The following KANSL1 variants were observed in gnomAD, a reference collection of about 807,000 sequenced individuals.
The protein encoded by KANSL1 is KAT8 regulatory NSL complex subunit 1.
KANSL1 carries 22 observed loss-of-function variants against 103.6 expected under a neutral mutation model. The ratio of observed to expected loss-of-function variants is 0.21; its 90% CI spans 0.15 to 0.30. The LOEUF (loss-of-function observed/expected upper bound fraction) is 0.30, where lower values mean the gene tolerates loss of function less well. Among genes scored for constraint, KANSL1 ranks in the 10% least tolerant of loss-of-function variants. KANSL1 has a pLI of 1.00. For synonymous variants in KANSL1, 600 were observed against 527.6 expected, an observed-to-expected ratio of 1.14 and a Z score of -1.88; for missense variants, 1,337 against 1,399.8, an observed-to-expected ratio of 0.96 and a Z score of 0.72.
chr17:46,062,355 C>CA (rs1555743656), intron 6 of KANSL1, among the ~76,000 whole-genome samples: 1 of 95,470 alleles, frequency 1.0e-5, no homozygotes. Context: ...ATAACAACAG[C>CA]TTTTTTTTTT....
At chr17:46,100,444 CAA>C (rs369274727) in intron 2 of KANSL1, among the ~76,000 whole-genome samples, 16 of 88,250 alleles carry the variant, frequency 1.8e-4, no homozygotes, top group African/African-American at 2.5e-4. Flanking sequence ...TCCCTCTCCC[CAA>C]AAAAAAAAAA....
intron 1 of KANSL1, among the ~76,000 whole-genome samples, chr17:46,174,248 G>C (rs1332399338): frequency 4.6e-5 from 7 of 152,198 alleles, no homozygotes; most frequent in African/African-American, 2.4e-5. Context: ...GCAGTGGTAT[G>C]ATCTCAGCTC....
rs181575798 is a variant in KANSL1 at position 46,141,109 on chromosome 17, A to G, written c.1289+29746T>C. On this transcript the variant is annotated intron_variant, in intron 2 of 14. Coordinates refer to ENST00000432791, the MANE Select transcript of KANSL1 (RefSeq NM_015443.4). ...AAGACAATGTACTCAACAATTAACT[A>G]AAGTACTTGTATTTCTCTTTACAAA... Among the ~76,000 whole-genome samples, 468 of 152,342 alleles carry G rather than the reference A, an allele frequency of 3.1e-3. 1 individual carries two copies. The highest frequency in any genetic ancestry group is 0.014 in the Middle Eastern group (4 of 294).
intron 6 of KANSL1, among the ~76,000 whole-genome samples, chr17:46,052,032 GA>G (rs112384186): frequency 4.0e-5 from 6 of 149,620 alleles, no homozygotes; most frequent in African/African-American, 9.8e-5. Flanking sequence ...ATTGTTTTGG[GA>G]AAAAAAAAAT....
At chr17:46,101,799 T>C (rs907460252) in intron 2 of KANSL1, among the ~76,000 whole-genome samples, 27 of 143,194 alleles carry the variant, frequency 1.9e-4, no homozygotes, top group African/African-American at 6.5e-4. Flanking sequence ...ATTTAGTCAT[T>C]ATAACCATGG....
chr17:46,218,514 G>A (rs1171846110), intron 1 of KANSL1, among the ~76,000 whole-genome samples: 1 of 152,236 alleles, frequency 6.6e-6, no homozygotes, highest in Non-Finnish European at 1.5e-5. Context: ...CTGGCGTGGT[G>A]GCTCACGCCT....
rs1442345394 is a variant in KANSL1, at chr17:46,038,223, G to A, written c.2541+315C>T. The A allele has an allele frequency of 5.0e-5, 17 of 337,094 alleles. 1 individual carries two copies. The highest frequency in any genetic ancestry group is 9.2e-5 in the Non-Finnish European group (17 of 184,548). The allele number at this position is 337,094 out of a possible 1,614,324, so 20.9% of individuals were successfully genotyped here. A position where few individuals can be genotyped will look rare whatever the true frequency, so the allele number is the denominator to read the frequency against. On this transcript the variant is annotated intron_variant, in intron 10 of 14. Coordinates refer to ENST00000432791, the MANE Select transcript of KANSL1 (RefSeq NM_015443.4). ...TAGGGCCACGGAACTGTTGAGTCCT[G>A]TGTGAAACTTAGTCCAACAGATCTT...
At chr17:46,173,966 C>T (rs1197087412) in intron 1 of KANSL1, among the ~76,000 whole-genome samples, 3 of 152,244 alleles carry the variant, frequency 2.0e-5, no homozygotes, top group African/African-American at 7.2e-5. Context: ...ACGATTTTTA[C>T]TTGGCAGAAC....
At position 46,067,578 on chromosome 17, in the gene KANSL1, T is replaced by C. The variant is rs1288178650; in HGVS notation, c.1623A>G (p.Ala541=). The C allele has an allele frequency of 6.2e-7, 1 of 1,603,978 alleles. No individual in the cohort carries two copies. The highest frequency in any genetic ancestry group is 1.1e-5 in the South Asian group (1 of 90,884). ...SESLSTKSCG[A]LRPVNGVINT... ...TAATAACTCCATTGACAGGTCTGAG[T>C]GCTCCACATGATTTGGTAGACAGTG... Residue 541 remains alanine, a synonymous_variant, in exon 5 of 15, where the codon GCA becomes GCG. Coordinates refer to ENST00000432791, the MANE Select transcript of KANSL1 (RefSeq NM_015443.4).
intron 1 of KANSL1, among the ~76,000 whole-genome samples, chr17:46,178,069 G>A (rs1441537739): frequency 2.0e-5 from 3 of 152,118 alleles, no homozygotes; most frequent in Non-Finnish European, 2.9e-5. Context: ...GAGCCACCAC[G>A]CCCGGCCCAT....
chr17:46,129,813 T>G (rs983597915), intron 2 of KANSL1, among the ~76,000 whole-genome samples: 1 of 152,092 alleles, frequency 6.6e-6, no homozygotes, highest in African/African-American at 2.4e-5. Flanking sequence ...GGTGGACCTG[T>G]TTTCTACTAA....
At chr17:46,059,647 A>AAGAGAGAGAGGGAG (rs2078085067) in intron 6 of KANSL1, among the ~76,000 whole-genome samples, 1 of 54,828 alleles carries the variant, frequency 1.8e-5, no homozygotes, top group Non-Finnish European at 3.3e-5. Context: ...AAAAAAAAAA[A>AAGAGAGAGAGGGAG]AGAGAGAGAG....
chr17:46,053,568 A>G (rs1466999073), intron 6 of KANSL1, among the ~76,000 whole-genome samples: 1 of 151,838 alleles, frequency 6.6e-6, no homozygotes, highest in Non-Finnish European at 1.5e-5. Flanking sequence ...AGTAGCTGGG[A>G]CTACAGGCGC....
chr17:46,054,676 A>AT (rs1250725995), intron 6 of KANSL1, among the ~76,000 whole-genome samples: 4 of 151,740 alleles, frequency 2.6e-5, no homozygotes, highest in East Asian at 3.9e-4. Context: ...ACTTCACCTC[A>AT]TTTTTTTGTT....
At chr17:46,031,949 G>T (rs1397510403) in intron 14 of KANSL1, 98 bp downstream of exon 14, 1 of 1,548,310 alleles carries the variant, frequency 6.5e-7, no homozygotes, top group Non-Finnish European at 8.8e-7. Context: ...CCCTTCAAAA[G>T]GGGGAGGGGA....
chr17:46,115,522 G>T (rs1187547164), intron 2 of KANSL1, among the ~76,000 whole-genome samples: 1 of 152,058 alleles, frequency 6.6e-6, no homozygotes, highest in Non-Finnish European at 1.5e-5. Flanking sequence ...AAATCCCAAG[G>T]AAAGTATACA....
At chr17:46,120,468 C>CT (rs1307312562) in intron 2 of KANSL1, among the ~76,000 whole-genome samples, 2 of 152,124 alleles carry the variant, frequency 1.3e-5, no homozygotes, top group Non-Finnish European at 2.9e-5. Flanking sequence ...AGGAGGTCTA[C>CT]TGTGGATATA....
chr17:46,159,400 A>C (rs2045613133), intron 2 of KANSL1, among the ~76,000 whole-genome samples: 1 of 152,250 alleles, frequency 6.6e-6, no homozygotes, highest in African/African-American at 2.4e-5. Flanking sequence ...TGCTAAGAAA[A>C]ATAACCTCTA....
upstream of KANSL1, among the ~76,000 whole-genome samples, chr17:46,198,269 C>T (rs1664041753): frequency 6.6e-6 from 1 of 151,772 alleles, no homozygotes; most frequent in Non-Finnish European, 1.5e-5. Flanking sequence ...ATACCACCTA[C>T]CTCTTAAGTT....
Sources: gnomAD v4.1 joint callset for allele counts (sites outside exome capture counted in the v4.1 genomes callset) on GRCh38, gnomAD v4.1.1 for gene constraint, MANE v1.5 for transcripts, NCBI Gene and HGNC (gene_info 2026-07-23, HGNC 2026-07-21) for gene names.